CFAP54: variants seen among roughly 807,000 people sequenced by gnomAD.
The protein encoded by CFAP54 is cilia and flagella associated protein 54.
In CFAP54, 290 loss-of-function variants were observed where a neutral mutation model predicts 370.4. That is an observed-to-expected ratio of 0.78 (90% CI 0.71 to 0.86). CFAP54 has a LOEUF of 0.86. Ranked by LOEUF, CFAP54 falls within the 40% of genes least tolerant of loss-of-function variation. The pLI is 0.00. For missense variants in CFAP54, 3,399 were observed against 3,528.7 expected (o/e 0.96, Z 0.93); for synonymous variants, 1,206 against 1,236.5 (o/e 0.98, Z 0.52).
intron 8 of CFAP54, among the ~76,000 whole-genome samples, chr12:96,523,156 G>C (rs780703340): frequency 5.3e-5 from 8 of 152,262 alleles, no homozygotes; most frequent in Middle Eastern, 3.4e-3. Flanking sequence ...AATGAATCTG[G>C]GGGGAAGGAG....
chr12:96,720,406 C>T lies in CFAP54; in HGVS notation c.6806C>T (p.Ser2269Leu), dbSNP rs372342649. Residue 2269 changes from serine (S) to leucine (L), a missense_variant and splice_region_variant, in exon 50 of 68, where the codon TCG (serine) becomes TTG (leucine). Ser to Leu is a moderately radical substitution (Grantham distance 145). Transcript: ENST00000524981. ...TGATGTATGGTATCCTTTCCTTAGT[C>T]GATGTTACTGATGGAAGCTGAGGAC... ...KDEITLSMLKSMLLMEAEDRL... is the reference protein window; with the variant it reads ...KDEITLSMLKLMLLMEAEDRL... 118 of 1,495,178 alleles carry T rather than the reference C, an allele frequency of 7.9e-5. No individual in the cohort carries two copies. Among genetic ancestry groups the T allele is most frequent in the Non-Finnish European group, 1.0e-4 (114 of 1,114,118 alleles). The allele number at this position is 1,495,178 out of a possible 1,614,324, so 92.6% of individuals were successfully genotyped here. A position where few individuals can be genotyped will look rare whatever the true frequency, so the allele number is the denominator to read the frequency against.
chr12:96,738,135 G>C (rs1368238637), intron 50 of CFAP54, among the ~76,000 whole-genome samples: 2 of 152,174 alleles, frequency 1.3e-5, no homozygotes, highest in Admixed American at 6.5e-5. Context: ...AGCAGTGGAG[G>C]AGATGAGGAG....
intron 67 of CFAP54, among the ~76,000 whole-genome samples, chr12:96,864,277 C>T (rs772633519): frequency 3.0e-4 from 45 of 151,974 alleles, no homozygotes; most frequent in Non-Finnish European, 5.7e-4. Context: ...CAGACACAGG[C>T]GAGGGAAGTC....
At chr12:96,727,367 G>A (rs1310513891) in intron 50 of CFAP54, among the ~76,000 whole-genome samples, 1 of 150,254 alleles carries the variant, frequency 6.7e-6, no homozygotes, top group East Asian at 2.1e-4. Context: ...CTCCTGTATT[G>A]GGTGCATATA....
intron 38 of CFAP54, 61 bp from the exon 39 acceptor site, chr12:96,663,769 T>C: frequency 8.3e-7 from 1 of 1,199,746 alleles, no homozygotes; most frequent in Non-Finnish European, 1.2e-6. Flanking sequence ...ACATTTCAAG[T>C]AAGCGAAATT....
chr12:96,664,744 T>G (rs1220650626), intron 39 of CFAP54, among the ~76,000 whole-genome samples: 325 of 24,534 alleles, frequency 0.013, 11 homozygotes, highest in African/African-American at 0.043. Flanking sequence ...TATATCTATA[T>G]ATATATATAT....
rs144012480 is a variant in CFAP54 at position 96,538,718 on chromosome 12, A to C, written c.1926+200A>C. The C allele has an allele frequency of 1.9e-4, 106 of 559,546 alleles. No individual in the cohort carries two copies. In the African/African-American group the frequency reaches 1.9e-3, roughly 10 times the overall value. The allele number at this position is 559,546 out of a possible 1,614,324, so 34.7% of individuals were successfully genotyped here. ...TGTGTGTTCCCTGCACTCCTGTTCT[A>C]ATTTTGTTTGTTGTGAGGAGCGAAG... On this transcript the variant is annotated intron_variant, in intron 13 of 67. Coordinates refer to ENST00000524981, the MANE Select transcript of CFAP54 (RefSeq NM_001306084.2).
At chr12:96,732,199 C>T (rs1957929032) in intron 50 of CFAP54, among the ~76,000 whole-genome samples, 1 of 152,126 alleles carries the variant, frequency 6.6e-6, no homozygotes, top group Admixed American at 6.5e-5. Flanking sequence ...GATCTCAGCT[C>T]ACCGCAACCT....
chr12:96,856,940 G>A (rs4344546), intron 66 of CFAP54, among the ~76,000 whole-genome samples: 9 of 152,196 alleles, frequency 5.9e-5, no homozygotes, highest in African/African-American at 2.2e-4. Flanking sequence ...AAAGAAAAGA[G>A]GTTTAATATA....
chr12:96,715,873 G>A (rs376715602), intron 48 of CFAP54, among the ~76,000 whole-genome samples: 1 of 151,592 alleles, frequency 6.6e-6, no homozygotes, highest in Admixed American at 6.6e-5. Context: ...CCCTTTTTAT[G>A]TTCCCTTCCT....
intron 63 of CFAP54, among the ~76,000 whole-genome samples, chr12:96,809,780 A>G (rs934692926): frequency 3.9e-5 from 6 of 152,120 alleles, no homozygotes; most frequent in African/African-American, 1.4e-4. Flanking sequence ...TCACTGGAGG[A>G]TGATGAAATT....
At chr12:96,864,646 A>C (rs1214324787) in intron 67 of CFAP54, among the ~76,000 whole-genome samples, 1 of 152,160 alleles carries the variant, frequency 6.6e-6, no homozygotes, top group African/African-American at 2.4e-5. Flanking sequence ...ATGACCATGC[A>C]GAAGGGTGTC....
intron 66 of CFAP54, among the ~76,000 whole-genome samples, chr12:96,851,441 A>G (rs1221495501): frequency 6.6e-6 from 1 of 152,136 alleles, no homozygotes; most frequent in Admixed American, 6.5e-5. Context: ...GATTATTTTG[A>G]AAGTTTTAGC....
At chr12:96,567,187 G>T (rs145331517) in intron 19 of CFAP54, among the ~76,000 whole-genome samples, 1 of 152,160 alleles carries the variant, frequency 6.6e-6, no homozygotes, top group Non-Finnish European at 1.5e-5. Context: ...AGGTCCCAAG[G>T]CGAGAAATGT....
intron 55 of CFAP54, among the ~76,000 whole-genome samples, chr12:96,750,347 A>C (rs1323952920): frequency 6.6e-6 from 1 of 152,174 alleles, no homozygotes; most frequent in Non-Finnish European, 1.5e-5. Flanking sequence ...TAGATTGGGA[A>C]AGGGAGGGCA....
intron 50 of CFAP54, among the ~76,000 whole-genome samples, chr12:96,732,057 C>T (rs1197183497): frequency 1.3e-5 from 2 of 151,924 alleles, no homozygotes; most frequent in African/African-American, 4.8e-5. Flanking sequence ...TTAGGAAAGA[C>T]TGAGTGTAGA....
At chr12:96,570,176 G>A (rs572713113) in intron 19 of CFAP54, among the ~76,000 whole-genome samples, 11 of 152,082 alleles carry the variant, frequency 7.2e-5, no homozygotes, top group East Asian at 3.9e-4. Flanking sequence ...GTTTTGTCAT[G>A]TTGCCCAGCA....
chr12:96,830,089 A>G (rs1028493199), intron 66 of CFAP54, among the ~76,000 whole-genome samples: 4 of 152,138 alleles, frequency 2.6e-5, no homozygotes, highest in African/African-American at 9.7e-5. Flanking sequence ...ATTCCATTGT[A>G]TGTATATACC....
chr12:96,662,881 A>G (rs1957010648), intron 38 of CFAP54, among the ~76,000 whole-genome samples: 2 of 151,976 alleles, frequency 1.3e-5, no homozygotes, highest in Non-Finnish European at 2.9e-5. Flanking sequence ...CATATTTACA[A>G]CTATGTGCCT....
Sources: allele counts gnomAD v4.1 joint callset (sites outside exome capture counted in the v4.1 genomes callset), GRCh38; gene constraint gnomAD v4.1.1; transcripts MANE v1.5; gene names NCBI Gene and HGNC (gene_info 2026-07-23, HGNC 2026-07-21).